ERC2: variants seen among roughly 807,000 people sequenced by gnomAD.
ERC2 encodes the protein ELKS/RAB6-interacting/CAST family member 2.
Under a neutral mutation model 114.8 loss-of-function variants are expected in ERC2, and 42 were observed. That is an observed-to-expected ratio of 0.37 (90% CI 0.29 to 0.47). The LOEUF (loss-of-function observed/expected upper bound fraction) is 0.47, where lower values mean the gene tolerates loss of function less well. Among genes scored for constraint, ERC2 ranks in the 20% least tolerant of loss-of-function variants. ERC2 has a pLI of 0.99. For missense variants in ERC2, 939 were observed against 1,150.7 expected, an observed-to-expected ratio of 0.82 and a Z score of 2.66; for synonymous variants, 454 against 425.5, an observed-to-expected ratio of 1.07 and a Z score of -0.82.
intron 6 of ERC2, among the ~76,000 whole-genome samples, chr3:56,137,001 G>A (rs2080547203): frequency 6.6e-6 from 1 of 152,152 alleles, no homozygotes; most frequent in African/African-American, 2.4e-5. Flanking sequence ...TGGGACGGAA[G>A]CTATCCACAT....
intron 13 of ERC2, among the ~76,000 whole-genome samples, chr3:55,910,173 T>C (rs1285087146): frequency 6.6e-6 from 1 of 152,166 alleles, no homozygotes; most frequent in Non-Finnish European, 1.5e-5. Flanking sequence ...GCAGATCACT[T>C]GAAGCCAAGA....
intron 2 of ERC2, among the ~76,000 whole-genome samples, chr3:56,366,730 G>A (rs1458106356): frequency 6.6e-6 from 1 of 152,134 alleles, no homozygotes; most frequent in Non-Finnish European, 1.5e-5. Context: ...CAATCACAGG[G>A]TAGAACACAG....
chr3:56,081,152 T>C (rs922054892), intron 6 of ERC2, among the ~76,000 whole-genome samples, 168 bp from the exon 7 acceptor site: 1 of 151,864 alleles, frequency 6.6e-6, no homozygotes, highest in African/African-American at 2.4e-5. Context: ...CCTACATCCT[T>C]CTTAAAGCCC....
At chr3:55,776,707 G>C (rs973679065) in intron 14 of ERC2, among the ~76,000 whole-genome samples, 1 of 152,140 alleles carries the variant, frequency 6.6e-6, no homozygotes, top group African/African-American at 2.4e-5. Flanking sequence ...GTGGCCTCAG[G>C]CCTTTGACCT....
intron 17 of ERC2, among the ~76,000 whole-genome samples, chr3:55,644,820 G>A (rs1225779074): frequency 6.6e-6 from 1 of 151,794 alleles, no homozygotes; most frequent in Admixed American, 6.6e-5. Flanking sequence ...CATTTTCTGG[G>A]GAGAGAGTCC....
At position 56,080,853 on chromosome 3, in the gene ERC2, T is replaced by A; in HGVS notation, c.1605A>T (p.Glu535Asp). The A allele has an allele frequency of 1.2e-6, 2 of 1,613,766 alleles. No homozygotes were observed. The highest frequency in any genetic ancestry group is 1.7e-6 in the Non-Finnish European group (2 of 1,179,742). ...GEIRDMKDML[E>D]VKERKINVLQ... ...GAACATTGATTTTTCTTTCCTTCAC[T>A]TCTAACATATCTTTCATGTCACGAA... Residue 535 changes from glutamate (E) to aspartate (D), a missense_variant, in exon 7 of 18, where the codon GAA becomes GAT. By Grantham distance (45) the Glu-to-Asp change is conservative. This residue lies in a region of ERC2 where 149 missense variants were observed against 254.6 expected (regional missense o/e 0.59). Coordinates refer to ENST00000288221, the MANE Select transcript of ERC2 (RefSeq NM_015576.3).
At chr3:55,683,756 A>T (rs766037697) in intron 17 of ERC2, 38 bp downstream of exon 17, 14 of 1,559,218 alleles carry the variant, frequency 9.0e-6, no homozygotes, top group Non-Finnish European at 1.2e-5. Context: ...CTAGAATGCA[A>T]TTTTTTAATA....
At chr3:55,713,432 G>A (rs558285747) in intron 15 of ERC2, among the ~76,000 whole-genome samples, 91 of 152,154 alleles carry the variant, frequency 6.0e-4, no homozygotes, top group South Asian at 1.7e-3. Context: ...GGCCAGGCTG[G>A]TCTCGAACTC....
At chr3:55,590,294 G>A (rs917037606) in intron 17 of ERC2, among the ~76,000 whole-genome samples, 1 of 152,198 alleles carries the variant, frequency 6.6e-6, no homozygotes, top group Non-Finnish European at 1.5e-5. Context: ...CTCTCATCCC[G>A]TTGGTGGGTG....
At chr3:56,279,941 C>T (rs899391767) in intron 3 of ERC2, among the ~76,000 whole-genome samples, 22 of 152,254 alleles carry the variant, frequency 1.4e-4, no homozygotes, top group Non-Finnish European at 2.1e-4. Context: ...ATTCCCAAAT[C>T]CTGTGTATAT....
intron 3 of ERC2, among the ~76,000 whole-genome samples, chr3:56,256,550 A>T (rs1053082795): frequency 8.9e-5 from 13 of 146,756 alleles, no homozygotes; most frequent in African/African-American, 1.2e-4. Context: ...ATTTCCAGGA[A>T]TTTTTTTTTT....
intron 3 of ERC2, among the ~76,000 whole-genome samples, chr3:56,257,107 A>ACG: frequency 6.6e-6 from 1 of 152,196 alleles, no homozygotes; most frequent in Non-Finnish European, 1.5e-5. Context: ...GAGATAATGT[A>ACG]TGTAAAACCA....
chr3:55,714,667 G>GTATATATATA (rs59969304), intron 15 of ERC2, among the ~76,000 whole-genome samples: 1 of 88,584 alleles, frequency 1.1e-5, no homozygotes, highest in Admixed American at 1.3e-4. Context: ...GTGTGTGTGT[G>GTATATATATA]TATATATATA....
intron 17 of ERC2, among the ~76,000 whole-genome samples, chr3:55,527,987 G>A (rs2053435495): frequency 6.6e-6 from 1 of 152,086 alleles, no homozygotes; most frequent in African/African-American, 2.4e-5. Flanking sequence ...TTCCTTACCT[G>A]TCCAATAAAG....
At chr3:55,789,954 T>G (rs911856147) in intron 14 of ERC2, among the ~76,000 whole-genome samples, 5 of 152,168 alleles carry the variant, frequency 3.3e-5, no homozygotes, top group African/African-American at 7.2e-5. Flanking sequence ...GGCCACGACT[T>G]AGCCTCACAG....
At chr3:56,334,546 A>G (rs1452261470) in intron 2 of ERC2, among the ~76,000 whole-genome samples, 1 of 152,196 alleles carries the variant, frequency 6.6e-6, no homozygotes, top group Non-Finnish European at 1.5e-5. Flanking sequence ...TTTGTCTCTA[A>G]TAACTATAAA....
intron 6 of ERC2, among the ~76,000 whole-genome samples, chr3:56,097,697 C>T (rs1351712820): frequency 6.6e-6 from 1 of 152,142 alleles, no homozygotes; most frequent in Non-Finnish European, 1.5e-5. Flanking sequence ...AGGTGGAACT[C>T]ACTGATCCAT....
At chr3:56,057,690 A>G (rs2076075573) in intron 7 of ERC2, among the ~76,000 whole-genome samples, 2 of 152,232 alleles carry the variant, frequency 1.3e-5, no homozygotes, top group Admixed American at 1.3e-4. Context: ...GTATTGATTA[A>G]GCTCCTGTTA....
intron 13 of ERC2, among the ~76,000 whole-genome samples, chr3:55,927,520 C>T (rs2065817646): frequency 6.6e-6 from 1 of 152,130 alleles, no homozygotes; most frequent in Non-Finnish European, 1.5e-5. Flanking sequence ...TTGATATAGG[C>T]ACACAATGTG....
Sources: allele counts gnomAD v4.1 joint callset (sites outside exome capture counted in the v4.1 genomes callset), GRCh38; gene constraint gnomAD v4.1.1; regional missense constraint gnomAD v4.1.1; transcripts MANE v1.5; gene names NCBI Gene and HGNC (gene_info 2026-07-23, HGNC 2026-07-21).